UNC5D: variants seen among roughly 807,000 people sequenced by gnomAD.
The protein encoded by UNC5D is netrin receptor UNC5D.
A neutral mutation model predicts 105.4 loss-of-function variants in UNC5D; 39 were observed. The observed-to-expected ratio is 0.37, with a 90% CI of 0.29 to 0.48. The LOEUF is 0.48. UNC5D is among the 20% of genes least tolerant of loss of function. The pLI is 0.98. For missense variants in UNC5D, 991 were observed against 1,202.4 expected, an observed-to-expected ratio of 0.82 and a Z score of 2.60; for synonymous variants, 452 against 450.4, an observed-to-expected ratio of 1.00 and a Z score of -0.04.
intron 1 of UNC5D, among the ~76,000 whole-genome samples, chr8:35,276,056 T>C (rs904881737): frequency 2.0e-5 from 3 of 152,164 alleles, no homozygotes; most frequent in Non-Finnish European, 4.4e-5. Flanking sequence ...TTCATGGAAA[T>C]TGAAGATACA....
chr8:35,484,821 A>G (rs1342527552), intron 1 of UNC5D, among the ~76,000 whole-genome samples: 1 of 152,196 alleles, frequency 6.6e-6, no homozygotes, highest in African/African-American at 2.4e-5. Context: ...AACCCTTTGG[A>G]GATGGCATTG....
intron 4 of UNC5D, among the ~76,000 whole-genome samples, chr8:35,662,710 C>T (rs1357726941): frequency 6.6e-6 from 1 of 152,182 alleles, no homozygotes; most frequent in East Asian, 1.9e-4. Flanking sequence ...TAAACGGTCA[C>T]TCTGCAGTCA....
chr8:35,722,233 G>C lies in UNC5D; in HGVS notation c.1141G>C (p.Ala381Pro), dbSNP rs754484686. The C allele has an allele frequency of 2.1e-5, 34 of 1,613,828 alleles. No homozygotes were observed. The highest frequency in any genetic ancestry group is 2.6e-5 in the Non-Finnish European group (31 of 1,179,972). ...PQSIENASDI[A>P]LYSGLGAAVV... ...AGGCATTGAGAATGCCAGCGACATT[G>C]CTTTGTACTCGGGCTTGGGTGCTGC... is the stretch of plus-strand genomic sequence containing the variant. Residue 381 changes from alanine to proline, a missense_variant, in exon 9 of 17, where the codon GCT (alanine) becomes CCT (proline). Coordinates refer to ENST00000404895, the MANE Select transcript of UNC5D (RefSeq NM_080872.4).
intron 4 of UNC5D, among the ~76,000 whole-genome samples, chr8:35,635,691 A>G (rs1185859639): frequency 1.3e-5 from 2 of 152,198 alleles, no homozygotes; most frequent in African/African-American, 4.8e-5. Context: ...TGTAATTTAT[A>G]CCCTGCCGGC....
At chr8:35,373,362 C>T (rs966163545) in intron 1 of UNC5D, among the ~76,000 whole-genome samples, 4 of 152,238 alleles carry the variant, frequency 2.6e-5, no homozygotes, top group African/African-American at 9.6e-5. Flanking sequence ...ATGTTACCTA[C>T]TCTACAGTAC....
intron 1 of UNC5D, among the ~76,000 whole-genome samples, chr8:35,308,058 A>G (rs1451773685): frequency 6.6e-6 from 1 of 151,910 alleles, no homozygotes; most frequent in Non-Finnish European, 1.5e-5. Context: ...GAAGAAGGAA[A>G]TGCTTGCTAT....
Position 35,629,634 on chromosome 8 carries a change from C to G in UNC5D, c.570+33977C>G, listed in dbSNP as rs375238599. 1.2e-4 allele frequency among the ~76,000 whole-genome samples: 18 copies of G among 152,074 alleles called. 1 individual carries two copies. The highest frequency in any genetic ancestry group is 4.3e-4 in the African/African-American group (18 of 41,494). On this transcript the variant is annotated intron_variant, in intron 4 of 16. Transcript: ENST00000404895. Reference sequence around the variant, plus strand: ...TGGTGGGTAGATTAAAAGCCCAATCCCCACCATTACACAATATACCCACGT... The same window carrying G: ...TGGTGGGTAGATTAAAAGCCCAATCGCCACCATTACACAATATACCCACGT...
chr8:35,317,303 T>C (rs964671530), intron 1 of UNC5D, among the ~76,000 whole-genome samples: 1 of 152,156 alleles, frequency 6.6e-6, no homozygotes, highest in African/African-American at 2.4e-5. Context: ...TGCTGATAGA[T>C]AACACCTCTT....
chr8:35,603,642 G>T (rs1436912044), intron 4 of UNC5D, among the ~76,000 whole-genome samples: 1 of 152,114 alleles, frequency 6.6e-6, no homozygotes, highest in Non-Finnish European at 1.5e-5. Context: ...TGACAGTGGG[G>T]TGTTAAAGTC....
chr8:35,688,601 C>G lies in UNC5D; in HGVS notation c.1084+1892C>G, dbSNP rs115248292. Among the ~76,000 whole-genome samples, 474 of 152,306 alleles carry G rather than the reference C, an allele frequency of 3.1e-3. 5 individuals are homozygous for G. Among genetic ancestry groups the G allele is most frequent in the African/African-American group, 0.01 (425 of 41,560 alleles). On this transcript the variant is annotated intron_variant, in intron 7 of 16. Transcript: ENST00000404895. ...CCACCAGTTGTAGTTTGGGTATGCT[C>G]TCCAATAAATGCACACCAACCATCT...
intron 4 of UNC5D, among the ~76,000 whole-genome samples, chr8:35,670,284 G>T (rs946612674): frequency 6.6e-6 from 1 of 152,130 alleles, no homozygotes; most frequent in Admixed American, 6.5e-5. Context: ...TGGATATGAT[G>T]ATAAGGGGTA....
chr8:35,657,986 A>G (rs1330671205), intron 4 of UNC5D, among the ~76,000 whole-genome samples: 1 of 152,220 alleles, frequency 6.6e-6, no homozygotes, highest in Non-Finnish European at 1.5e-5. Flanking sequence ...GCTCTATAAC[A>G]TATTACCGCC....
chr8:35,407,908 A>G (rs1362295401), intron 1 of UNC5D, among the ~76,000 whole-genome samples: 1 of 152,104 alleles, frequency 6.6e-6, no homozygotes, highest in African/African-American at 2.4e-5. Flanking sequence ...CATGGTATAT[A>G]TGTACCACAT....
chr8:35,424,271 T>C (rs1310469598), intron 1 of UNC5D, among the ~76,000 whole-genome samples: 1 of 152,208 alleles, frequency 6.6e-6, no homozygotes, highest in Non-Finnish European at 1.5e-5. Flanking sequence ...AGTTATCACA[T>C]TAATAAAAAG....
chr8:35,502,785 T>G (rs960831020), intron 1 of UNC5D, among the ~76,000 whole-genome samples: 4 of 152,016 alleles, frequency 2.6e-5, no homozygotes, highest in Non-Finnish European at 4.4e-5. Context: ...CAGGATGGTC[T>G]CAATCTCCTG....
At chr8:35,415,353 C>A (rs1384702487) in intron 1 of UNC5D, among the ~76,000 whole-genome samples, 5 of 152,092 alleles carry the variant, frequency 3.3e-5, no homozygotes, top group Non-Finnish European at 7.4e-5. Context: ...CCCCCTTTGA[C>A]AATGCAATCC....
chr8:35,493,916 T>C (rs1253602337), intron 1 of UNC5D, among the ~76,000 whole-genome samples: 1 of 152,158 alleles, frequency 6.6e-6, no homozygotes, highest in Non-Finnish European at 1.5e-5. Flanking sequence ...AGGAAACATA[T>C]ATGAAAACAG....
At chr8:35,308,144 G>T (rs59986702) in intron 1 of UNC5D, among the ~76,000 whole-genome samples, 2 of 150,356 alleles carry the variant, frequency 1.3e-5, no homozygotes, top group East Asian at 3.9e-4. Context: ...GTGTGTGTGT[G>T]TGTGTGTATC....
chr8:35,688,375 T>C (rs546143003), intron 7 of UNC5D, among the ~76,000 whole-genome samples: 32 of 152,348 alleles, frequency 2.1e-4, no homozygotes, highest in Admixed American at 3.9e-4. Flanking sequence ...TCAGTATGAC[T>C]GAATACCCTT....
Sources: allele counts gnomAD v4.1 joint callset (sites outside exome capture counted in the v4.1 genomes callset), GRCh38; gene constraint gnomAD v4.1.1; transcripts MANE v1.5; gene names NCBI Gene and HGNC (gene_info 2026-07-23, HGNC 2026-07-21).